The following METTL16 variants were observed in gnomAD, a reference collection of about 807,000 sequenced individuals.
METTL16 encodes the protein RNA N(6)-adenosine-methyltransferase METTL16.
METTL16 carries 19 observed loss-of-function variants against 57.9 expected under a neutral mutation model. That is an observed-to-expected ratio of 0.33 (90% CI 0.23 to 0.48). The LOEUF is 0.48. Among genes scored for constraint, METTL16 ranks in the 20% least tolerant of loss-of-function variants. METTL16 has a pLI of 0.99. For synonymous variants in METTL16, 246 were observed against 255.6 expected, an observed-to-expected ratio of 0.96 and a Z score of 0.36; for missense variants, 434 against 691.5, an observed-to-expected ratio of 0.63 and a Z score of 4.18.
At chr17:2,478,730 G>C (rs972014520) in intron 2 of METTL16, among the ~76,000 whole-genome samples, 1 of 152,218 alleles carries the variant, frequency 6.6e-6, no homozygotes, top group African/African-American at 2.4e-5. Context: ...TCAAGTAACT[G>C]AAATCATAAT....
intron 1 of METTL16, among the ~76,000 whole-genome samples, chr17:2,507,514 C>G (rs1470829054): frequency 6.7e-6 from 1 of 148,886 alleles, no homozygotes; most frequent in Non-Finnish European, 1.5e-5. Context: ...GGGGGGTCAG[C>G]CCCCCGCCCG....
In METTL16 at chr17:2,420,666, AAAAAG is replaced by A; in HGVS notation, c.1062+60_1062+64del. The A allele has an allele frequency of 6.4e-7, 1 of 1,558,114 alleles. No individual in the cohort carries two copies. Among genetic ancestry groups the A allele is most frequent in the Non-Finnish European group, 8.6e-7 (1 of 1,160,834 alleles). On this transcript the variant is annotated intron_variant, in intron 9 of 9. Transcript: ENST00000263092. The surrounding 1 kb of genome is among the most constrained non-coding windows in gnomAD (Gnocchi z 5.4). ...CTCTCTCCAAACTCTCAATAAAAAA[AAAAAG>A]AAAAAAGAAAAAAGAGAAGGATCAT...
intron 2 of METTL16, among the ~76,000 whole-genome samples, chr17:2,494,527 G>A (rs1206015806): frequency 1.3e-5 from 2 of 152,036 alleles, no homozygotes; most frequent in South Asian, 2.1e-4. Flanking sequence ...ACTTTGTTGT[G>A]GTGATTTATG....
intron 1 of METTL16, among the ~76,000 whole-genome samples, chr17:2,505,542 C>T (rs2067526355): frequency 6.6e-6 from 1 of 151,720 alleles, no homozygotes; most frequent in African/African-American, 2.4e-5. Flanking sequence ...AGCCACCACG[C>T]CCGGCCAGAA....
At chr17:2,479,168 T>G (rs1238308421) in intron 2 of METTL16, among the ~76,000 whole-genome samples, 1 of 151,824 alleles carries the variant, frequency 6.6e-6, no homozygotes, top group African/African-American at 2.4e-5. Context: ...GTGGGTTTTG[T>G]TTTGTTTTGT....
intron 1 of METTL16, among the ~76,000 whole-genome samples, chr17:2,506,061 G>A (rs1344477478): frequency 1.3e-5 from 2 of 151,492 alleles, no homozygotes; most frequent in Admixed American, 6.6e-5. Flanking sequence ...TCTGCCTCCC[G>A]GGTTCAAGCG....
intron 2 of METTL16, among the ~76,000 whole-genome samples, chr17:2,491,911 T>A (rs1212364479): frequency 4.3e-4 from 50 of 116,514 alleles, no homozygotes; most frequent in African/African-American, 1.6e-3. Context: ...TTAAAATAAA[T>A]AAAAATAAAA....
At chr17:2,448,789 T>G (rs796105965) in intron 6 of METTL16, among the ~76,000 whole-genome samples, 1 of 47,732 alleles carries the variant, frequency 2.1e-5, no homozygotes, top group African/African-American at 5.7e-5. Flanking sequence ...AATAAAAAAA[T>G]AAAAATAAAA....
rs542799209 is a variant in METTL16, at chr17:2,504,608, T to G, written c.1-2277A>C. Among the ~76,000 whole-genome samples, 10 of 152,342 alleles carry G rather than the reference T, an allele frequency of 6.6e-5. No homozygotes were observed. The South Asian group carries it at 1.9e-3, about 28-fold the overall frequency. ...TCTCACTCTGTCATCCAGGATGGAGTGCAGTAGCACAATCATACCTCACTG... is the reference window on the plus strand; with the variant it reads ...TCTCACTCTGTCATCCAGGATGGAGGGCAGTAGCACAATCATACCTCACTG... On this transcript the variant is annotated intron_variant, in intron 1 of 9. Coordinates refer to ENST00000263092, the MANE Select transcript of METTL16 (RefSeq NM_024086.4).
chr17:2,444,460 A>G (rs1236740803), intron 6 of METTL16, among the ~76,000 whole-genome samples: 1 of 152,164 alleles, frequency 6.6e-6, no homozygotes, highest in African/African-American at 2.4e-5. Flanking sequence ...AAAATAAAAT[A>G]AAGTAAAATA....
chr17:2,447,599 G>A (rs2067013527), intron 6 of METTL16, among the ~76,000 whole-genome samples: 1 of 112,652 alleles, frequency 8.9e-6, no homozygotes, highest in African/African-American at 4.7e-5. Flanking sequence ...CCCCCCGCCC[G>A]GCCAGCCGCC....
Position 2,425,396 on chromosome 17 carries a change from T to C in METTL16, c.889-4492A>G, listed in dbSNP as rs909639885. The stretch of plus-strand genomic sequence containing the variant: ...ATTTACAATGATTAATCCAGTTTAA[T>C]GCAAAGAACTAGGTGAATTTACAGC... On this transcript the variant is annotated intron_variant, in intron 8 of 9. Coordinates refer to ENST00000263092, the MANE Select transcript of METTL16 (RefSeq NM_024086.4). Among the ~76,000 whole-genome samples, 4 of 152,224 alleles carry C rather than the reference T, an allele frequency of 2.6e-5. 1 individual carries two copies. The South Asian group carries it at 8.3e-4, about 31-fold the overall frequency.
rs765752562 is a variant in METTL16 at position 2,468,790 on chromosome 17, A to C, written c.470-914T>G. On this transcript the variant is annotated intron_variant, in intron 4 of 9. Transcript: ENST00000263092. ...TGTAATTCCAGCTACTTGGGAGGCT[A>C]AAGTGAGAGACTGCTTGAGCCCAGG... 2.0e-5 allele frequency among the ~76,000 whole-genome samples: 3 copies of C among 152,218 alleles called. No individual in the cohort carries two copies. The East Asian group carries it at 5.8e-4, about 29-fold the overall frequency.
At chr17:2,446,042 GAA>G (rs2066993200) in intron 6 of METTL16, among the ~76,000 whole-genome samples, 1 of 152,000 alleles carries the variant, frequency 6.6e-6, no homozygotes, top group South Asian at 2.1e-4. Context: ...AAAGCATTTG[GAA>G]AAAGTCAATG....
At chr17:2,510,072 CAAAAAA>C (rs912033384) in intron 1 of METTL16, among the ~76,000 whole-genome samples, 2 of 115,478 alleles carry the variant, frequency 1.7e-5, no homozygotes, top group South Asian at 5.3e-4. Flanking sequence ...GAAACTGTCT[CAAAAAA>C]AAAAAAGAAA....
Position 2,416,878 on chromosome 17 carries a change from A to G in METTL16, c.*3092T>C, listed in dbSNP as rs2066720707. On this transcript the variant is annotated 3_prime_UTR_variant, in exon 10 of 10. Coordinates refer to ENST00000263092, the MANE Select transcript of METTL16 (RefSeq NM_024086.4). ...CTGTACCAGAGGTATATGCTATGAAACAACACACAATTATAAAGCATATGC... is the reference window on the plus strand; with the variant it reads ...CTGTACCAGAGGTATATGCTATGAAGCAACACACAATTATAAAGCATATGC... 6.6e-6 allele frequency: 1 copy of G among 152,332 alleles called. No homozygotes were observed. Among genetic ancestry groups the G allele is most frequent in the African/African-American group, 2.4e-5 (1 of 41,432 alleles). The allele number at this position is 152,332 out of a possible 1,614,324, so 9.4% of individuals were successfully genotyped here.
chr17:2,465,074 A>T (rs551582913), intron 5 of METTL16, among the ~76,000 whole-genome samples: 1 of 152,212 alleles, frequency 6.6e-6, no homozygotes, highest in Admixed American at 6.5e-5. Flanking sequence ...TAATAAAAAC[A>T]AAAACAAACC....
chr17:2,454,085 C>G (rs1444710697), intron 6 of METTL16, among the ~76,000 whole-genome samples: 1 of 152,148 alleles, frequency 6.6e-6, no homozygotes, highest in African/African-American at 2.4e-5. Flanking sequence ...CCTGAGCTCA[C>G]TCTAGGTTCT....
At chr17:2,423,403 T>C (rs1241069395) in intron 8 of METTL16, among the ~76,000 whole-genome samples, 1 of 152,142 alleles carries the variant, frequency 6.6e-6, no homozygotes, top group Non-Finnish European at 1.5e-5. Flanking sequence ...CAAATTCATA[T>C]TGACATTAAG....
Sources: gnomAD v4.1 joint callset for allele counts (sites outside exome capture counted in the v4.1 genomes callset) on GRCh38, gnomAD v4.1.1 for gene constraint, Gnocchi (gnomAD v3.1) non-coding constraint, MANE v1.5 for transcripts, NCBI Gene and HGNC (gene_info 2026-07-23, HGNC 2026-07-21) for gene names.